The following GRIA3 variants were observed in gnomAD, a reference collection of about 807,000 sequenced individuals.
GRIA3 encodes glutamate receptor 3.
A neutral mutation model predicts 63.0 loss-of-function variants in GRIA3; 3 were observed. The ratio of observed to expected loss-of-function variants is 0.05; its 90% CI spans 0.02 to 0.12. The LOEUF (loss-of-function observed/expected upper bound fraction) is 0.12, where lower values mean the gene tolerates loss of function less well. Ranked by LOEUF, GRIA3 falls within the 10% of genes least tolerant of loss-of-function variation. The pLI, the probability that GRIA3 is intolerant of heterozygous loss-of-function variation, is 1.00. For synonymous variants in GRIA3, 274 were observed against 257.9 expected (o/e 1.06, Z -0.60); for missense variants, 347 against 700.9 (o/e 0.50, Z 5.70).
intron 10 of GRIA3, among the ~76,000 whole-genome samples, chrX:123,405,821 T>C (rs1408265654): frequency 8.9e-6 from 1 of 112,137 alleles, no homozygotes; most frequent in East Asian, 2.8e-4. Flanking sequence ...ATAGTACTTC[T>C]AAGTCTGTAT....
chrX:123,472,446 G>GATCTTTCAAACT (rs1158404691), intron 13 of GRIA3, among the ~76,000 whole-genome samples: 1 of 111,437 alleles, frequency 9.0e-6, no homozygotes, highest in Admixed American at 9.6e-5. Context: ...TTGATAGTTT[G>GATCTTTCAAACT]ATCTTTCAAA....
chrX:123,399,759 C>T (rs2045434803), intron 7 of GRIA3, among the ~76,000 whole-genome samples: 1 of 112,023 alleles, frequency 8.9e-6, no homozygotes, highest in Non-Finnish European at 1.9e-5. Context: ...GTAACGGCCT[C>T]ATAACATACA....
chrX:123,322,879 C>T (rs2044877559), intron 3 of GRIA3, among the ~76,000 whole-genome samples: 1 of 112,058 alleles, frequency 8.9e-6, no homozygotes. Flanking sequence ...AAGCAGTGTG[C>T]TTTTTCTACT....
intron 3 of GRIA3, among the ~76,000 whole-genome samples, chrX:123,290,331 T>C (rs113476828): frequency 2.7e-5 from 3 of 111,899 alleles, no homozygotes; most frequent in African/African-American, 9.7e-5. Flanking sequence ...TTACAGCAAA[T>C]ATATATTTTG....
At chrX:123,196,959 T>C (rs1229540810) in intron 2 of GRIA3, among the ~76,000 whole-genome samples, 7 of 112,200 alleles carry the variant, frequency 6.2e-5, no homozygotes. Flanking sequence ...CACCACACAA[T>C]TTATGTTGAA....
At chrX:123,354,771 C>A (rs1003811676) in intron 4 of GRIA3, 139 bp from the exon 5 acceptor site, 2 of 534,565 alleles carry the variant, frequency 3.7e-6, no homozygotes, top group Admixed American at 4.8e-5. Flanking sequence ...CGAAATGCAA[C>A]AACAAGAAAT....
intron 4 of GRIA3, among the ~76,000 whole-genome samples, chrX:123,329,021 T>C (rs918285423): frequency 2.7e-5 from 3 of 112,217 alleles, no homozygotes; most frequent in Non-Finnish European, 5.6e-5. Context: ...AGTCTTTTGA[T>C]AAATTTATCA....
At chrX:123,446,873 T>G (rs756531090) in intron 12 of GRIA3, among the ~76,000 whole-genome samples, 1 of 111,408 alleles carries the variant, frequency 9.0e-6, no homozygotes, top group Non-Finnish European at 1.9e-5. Flanking sequence ...TAATTTTTTT[T>G]AAGTATTAAT....
intron 12 of GRIA3, among the ~76,000 whole-genome samples, chrX:123,442,372 G>A (rs1037250042): frequency 8.9e-6 from 1 of 112,373 alleles, no homozygotes; most frequent in Non-Finnish European, 1.9e-5. Context: ...AATTTGAAGG[G>A]TAGACATTTT....
chrX:123,314,443 C>T (rs1242216181), intron 3 of GRIA3, among the ~76,000 whole-genome samples: 2 of 111,865 alleles, frequency 1.8e-5, no homozygotes, highest in Non-Finnish European at 3.8e-5. Flanking sequence ...CAATCCAAAC[C>T]CCAGTTGCTT....
intron 2 of GRIA3, among the ~76,000 whole-genome samples, chrX:123,231,241 C>G (rs1210700947): frequency 9.0e-6 from 1 of 111,478 alleles, no homozygotes; most frequent in Non-Finnish European, 1.9e-5. Context: ...ACGATAAACC[C>G]GACTTCAAAG....
chrX:123,327,628 G>C (rs772422767), intron 4 of GRIA3, among the ~76,000 whole-genome samples: 3 of 111,064 alleles, frequency 2.7e-5, no homozygotes, highest in Non-Finnish European at 5.7e-5. Context: ...GGAAGGAAGG[G>C]AGGAAAGGAC....
At chrX:123,253,662 A>C (rs1312615175) in intron 3 of GRIA3, 120 bp downstream of exon 3, 2 of 577,347 alleles carry the variant, frequency 3.5e-6, no homozygotes, top group Non-Finnish European at 5.5e-6. Context: ...AATTGTATTT[A>C]ATATTCCAAA....
chrX:123,253,795 G>C, intron 3 of GRIA3: 3 of 318,968 alleles, frequency 9.4e-6, no homozygotes, highest in Non-Finnish European at 5.4e-6. Context: ...CACCATAGTT[G>C]AAAAAGAACG....
chrX:123,451,505 TAAAAAAAAAAAAAAAAAAAAA>T (rs56991039), intron 12 of GRIA3, among the ~76,000 whole-genome samples: 2 of 16,185 alleles, frequency 1.2e-4, no homozygotes, highest in African/African-American at 2.0e-4. Context: ...ACTCTGTCTC[TAAAAAAAAAAAAAAAAAAAAA>T]AAAAAAAAAA....
intron 3 of GRIA3, among the ~76,000 whole-genome samples, chrX:123,287,935 C>CA (rs1198691845): frequency 9.0e-6 from 1 of 111,138 alleles, no homozygotes; most frequent in African/African-American, 3.3e-5. Context: ...CATAAGGGAC[C>CA]AAAAAAGAGC....
At chrX:123,242,491 T>G (rs974539076) in intron 2 of GRIA3, among the ~76,000 whole-genome samples, 2 of 111,942 alleles carry the variant, frequency 1.8e-5, no homozygotes, top group African/African-American at 3.2e-5. Flanking sequence ...TTAAGAGTCC[T>G]GCTAAACCCC....
chrX:123,240,214 AC>A (rs1279568824), intron 2 of GRIA3, among the ~76,000 whole-genome samples: 8 of 111,898 alleles, frequency 7.1e-5, no homozygotes. Context: ...CTCAGCGTGG[AC>A]CTCCTTGGCA....
At chrX:123,296,679 C>T (rs1392644214) in intron 3 of GRIA3, among the ~76,000 whole-genome samples, 1 of 111,558 alleles carries the variant, frequency 9.0e-6, no homozygotes, top group Non-Finnish European at 1.9e-5. Flanking sequence ...AATAATTATA[C>T]TACTTTCCTT....
Sources: gnomAD v4.1 joint callset for allele counts (sites outside exome capture counted in the v4.1 genomes callset) on GRCh38, gnomAD v4.1.1 for gene constraint, MANE v1.5 for transcripts, NCBI Gene and HGNC (gene_info 2026-07-23, HGNC 2026-07-21) for gene names.